SPIDR: variants seen among roughly 807,000 people sequenced by gnomAD.
The protein encoded by SPIDR is scaffold protein involved in DNA repair, also known as DNA repair-scaffolding protein.
Under a neutral mutation model 104.6 loss-of-function variants are expected in SPIDR, and 93 were observed. The ratio of observed to expected loss-of-function variants is 0.89; its 90% CI spans 0.75 to 1.06. The LOEUF is 1.06. Ranked by LOEUF, SPIDR falls within the 50% of genes least tolerant of loss-of-function variation. The probability of loss-of-function intolerance (pLI) is 0.00; values close to 1 mark genes in which losing one functional copy is unlikely to be tolerated. For synonymous variants in SPIDR, 431 were observed against 416.9 expected (o/e 1.03, Z -0.41); for missense variants, 1,154 against 1,111.2 (o/e 1.04, Z -0.55).
At chr8:47,346,849 CT>C (rs1230290853) in intron 5 of SPIDR, among the ~76,000 whole-genome samples, 1 of 152,084 alleles carries the variant, frequency 6.6e-6, no homozygotes, top group Non-Finnish European at 1.5e-5. Flanking sequence ...ATTCTTCTCT[CT>C]TTTCTTCTTA....
chr8:47,624,199 A>C (rs1384028182), intron 10 of SPIDR, among the ~76,000 whole-genome samples: 1 of 152,232 alleles, frequency 6.6e-6, no homozygotes, highest in East Asian at 1.9e-4. Flanking sequence ...GAGAACAAAG[A>C]CACAACATAC....
At chr8:47,442,521 C>G (rs2154344394) in intron 8 of SPIDR, among the ~76,000 whole-genome samples, 1 of 152,232 alleles carries the variant, frequency 6.6e-6, no homozygotes, top group Non-Finnish European at 1.5e-5. Flanking sequence ...GTGATGCTCC[C>G]CTCTCCGTGT....
At chr8:47,291,266 A>G in intron 4 of SPIDR, 129 bp downstream of exon 4, 1 of 552,606 alleles carries the variant, frequency 1.8e-6, no homozygotes, top group Non-Finnish European at 3.1e-6. Flanking sequence ...TGGATTTAAT[A>G]TTGGAAGAAA....
chr8:47,718,218 G>A (rs1274001218), intron 16 of SPIDR, among the ~76,000 whole-genome samples: 1 of 152,180 alleles, frequency 6.6e-6, no homozygotes, highest in Non-Finnish European at 1.5e-5. Flanking sequence ...GCAGTAGAGA[G>A]GGCATCATAT....
chr8:47,491,961 G>A (rs2078790609), intron 8 of SPIDR, among the ~76,000 whole-genome samples: 1 of 152,156 alleles, frequency 6.6e-6, no homozygotes, highest in African/African-American at 2.4e-5. Flanking sequence ...AAGGAGCCAG[G>A]CCCCAGAAGG....
At chr8:47,633,241 T>G (rs2067338194) in intron 10 of SPIDR, among the ~76,000 whole-genome samples, 1 of 152,198 alleles carries the variant, frequency 6.6e-6, no homozygotes, top group African/African-American at 2.4e-5. Context: ...CAAATTAATA[T>G]TATTTGCATT....
rs746783097 is a variant in SPIDR, at chr8:47,661,067, G to A, written c.1545-12734G>A. ...GTGGTGCCTGCTCCCCTGCACCACC[G>A]TCTTATAGTCATGAAAGTGGGGGTT... On this transcript the variant is annotated intron_variant, in intron 10 of 19. Transcript: ENST00000297423. 1.4e-4 allele frequency: 79 copies of A among 571,136 alleles called. No individual in the cohort carries two copies. In the East Asian group the frequency reaches 4.2e-3, roughly 30 times the overall value. The allele number at this position is 571,136 out of a possible 1,614,324, so 35.4% of individuals were successfully genotyped here.
At chr8:47,287,499 T>C (rs2039070262) in intron 3 of SPIDR, among the ~76,000 whole-genome samples, 1 of 152,008 alleles carries the variant, frequency 6.6e-6, no homozygotes, top group Non-Finnish European at 1.5e-5. Context: ...TCAGTTCTTA[T>C]CCCAACCGCA....
intron 8 of SPIDR, among the ~76,000 whole-genome samples, chr8:47,564,224 G>A (rs1306354280): frequency 1.3e-5 from 2 of 151,714 alleles, no homozygotes; most frequent in Admixed American, 6.6e-5. Flanking sequence ...GACTACAGGT[G>A]CATACCACCA....
intron 5 of SPIDR, among the ~76,000 whole-genome samples, chr8:47,349,063 C>G (rs1554620436): frequency 6.6e-6 from 1 of 152,184 alleles, no homozygotes; most frequent in African/African-American, 2.4e-5. Context: ...CTTTTCTGCT[C>G]TGGTTTCTCC....
chr8:47,265,580 G>A (rs1163788234), intron 1 of SPIDR, among the ~76,000 whole-genome samples: 1 of 152,066 alleles, frequency 6.6e-6, no homozygotes, highest in Non-Finnish European at 1.5e-5. Flanking sequence ...TTTGCATAGA[G>A]TACCTCATTT....
intron 3 of SPIDR, among the ~76,000 whole-genome samples, chr8:47,285,218 A>G (rs1346176145): frequency 6.6e-6 from 1 of 152,240 alleles, no homozygotes; most frequent in East Asian, 1.9e-4. Context: ...AGAGTTCTAC[A>G]GAGTGAACTA....
intron 10 of SPIDR, among the ~76,000 whole-genome samples, chr8:47,608,875 G>A (rs2063292421): frequency 6.6e-6 from 1 of 152,096 alleles, no homozygotes; most frequent in Non-Finnish European, 1.5e-5. Flanking sequence ...ACGTGCGTGT[G>A]CGCTACCACG....
intron 5 of SPIDR, among the ~76,000 whole-genome samples, chr8:47,308,564 T>C (rs1295492446): frequency 1.4e-5 from 2 of 139,382 alleles, no homozygotes; most frequent in East Asian, 4.6e-4. Flanking sequence ...CCGTAGTCTT[T>C]AACATCTGAC....
intron 7 of SPIDR, among the ~76,000 whole-genome samples, chr8:47,412,788 A>G (rs1202620344): frequency 6.6e-6 from 1 of 152,196 alleles, no homozygotes; most frequent in Non-Finnish European, 1.5e-5. Flanking sequence ...AATGACCTGG[A>G]ACTGGAGTGA....
rs2069172213 is a variant in SPIDR, at chr8:47,440,331, T to C, written c.886T>C (p.Ser296Pro). 5 of 1,613,952 alleles carry C rather than the reference T, an allele frequency of 3.1e-6. No homozygotes were observed. Among genetic ancestry groups the C allele is most frequent in the African/African-American group, 1.3e-5 (1 of 75,050 alleles). Residue 296 changes from serine to proline, a missense_variant, in exon 8 of 20, where the codon TCT becomes CCT. By Grantham distance (74) the Ser-to-Pro change is moderately conservative. Transcript: ENST00000297423. ...SYQKTLSGRK[S>P]GVLTVKILEL... ...TTTTCTTCAACTTCTAGGTAGAAAA[T>C]CTGGTGTATTAACTGTGAAAATTTT...
intron 1 of SPIDR, among the ~76,000 whole-genome samples, chr8:47,265,122 A>G (rs1586016754): frequency 6.6e-6 from 1 of 150,694 alleles, no homozygotes; most frequent in East Asian, 2.0e-4. Context: ...TGATAGTCTC[A>G]TTGAATGATT....
chr8:47,479,471 T>C (rs1266020496), intron 8 of SPIDR, among the ~76,000 whole-genome samples: 2 of 152,192 alleles, frequency 1.3e-5, no homozygotes, highest in Non-Finnish European at 2.9e-5. Flanking sequence ...CTGACTCCCA[T>C]AGCAGGTACA....
intron 8 of SPIDR, among the ~76,000 whole-genome samples, chr8:47,548,782 T>C (rs1168417309): frequency 3.3e-5 from 5 of 152,242 alleles, no homozygotes; most frequent in Non-Finnish European, 5.9e-5. Flanking sequence ...TATTTATTTT[T>C]ATTATACTTT....
Sources: gnomAD v4.1 joint callset for allele counts (sites outside exome capture counted in the v4.1 genomes callset) on GRCh38, gnomAD v4.1.1 for gene constraint, MANE v1.5 for transcripts, NCBI Gene and HGNC (gene_info 2026-07-23, HGNC 2026-07-21) for gene names.